The following TUSC3 variants were observed in gnomAD, a reference collection of about 807,000 sequenced individuals.
The protein encoded by TUSC3 is dolichyl-diphosphooligosaccharide--protein glycosyltransferase subunit TUSC3.
In TUSC3, 45 loss-of-function variants were observed where a neutral mutation model predicts 44.8. The ratio of observed to expected loss-of-function variants is 1.00; its 90% confidence interval spans 0.79 to 1.29. The LOEUF (loss-of-function observed/expected upper bound fraction) is 1.29, where lower values mean the gene tolerates loss of function less well. TUSC3 is among the 50% of genes most tolerant of loss of function. The pLI is 0.00. For missense variants in TUSC3, 519 were observed against 437.9 expected, an observed-to-expected ratio of 1.19 and a Z score of -1.65; for synonymous variants, 212 against 152.9, an observed-to-expected ratio of 1.39 and a Z score of -2.85.
Position 15,573,168 on chromosome 8 carries a change from T to TCTTTCTC in TUSC3, c.138+32600_138+32601insCTTTCTC, listed in dbSNP as rs1563296867. On this transcript the variant is annotated intron_variant, in intron 1 of 10. Coordinates refer to ENST00000503731, the MANE Select transcript of TUSC3 (RefSeq NM_006765.4). ...TGCTTCAGTATAGTGTTCTCTCTCTTTCTCTCTCTCTCTCTCTCTCTCTCT... is the reference window on the plus strand; with the variant it reads ...TGCTTCAGTATAGTGTTCTCTCTCTTCTTTCTCTCTCTCTCTCTCTCTCTCTCTCTCT... Among the ~76,000 whole-genome samples, 397 of 85,480 alleles carry TCTTTCTC rather than the reference T, an allele frequency of 4.6e-3. 1 individual carries two copies. The highest frequency in any genetic ancestry group is 9.9e-3 in the African/African-American group (198 of 19,980). 56.1% of individuals were successfully genotyped at this position (85,480 alleles called of 152,430 possible).
In TUSC3 at chr8:15,676,763, C is replaced by G. The variant is rs545725144; in HGVS notation, c.798+2927C>G. ...AAGAAAATCATCCAGCTCCAAATAT[C>G]AGAGTATTGAAAGTGAGAAGCCTAG... On this transcript the variant is annotated intron_variant, in intron 6 of 10. Coordinates refer to ENST00000503731, the MANE Select transcript of TUSC3 (RefSeq NM_006765.4). Among the ~76,000 whole-genome samples, 4 of 152,278 alleles carry G rather than the reference C, an allele frequency of 2.6e-5. No homozygotes were observed. The South Asian group carries it at 8.3e-4, about 32-fold the overall frequency.
Position 15,628,981 on chromosome 8 carries a change from C to G in TUSC3, c.308+5732C>G, listed in dbSNP as rs546829574. ...GAAAGTTGACAAACTGGTTGTGATA[C>G]AGTTAAGCTAGATTTCCACAAGGGT... On this transcript the variant is annotated intron_variant, in intron 2 of 10. Coordinates refer to ENST00000503731, the MANE Select transcript of TUSC3 (RefSeq NM_006765.4). Among the ~76,000 whole-genome samples, 3 of 152,286 alleles carry G rather than the reference C, an allele frequency of 2.0e-5. No individual in the cohort carries two copies. The South Asian group carries it at 6.2e-4, about 32-fold the overall frequency.
intron 1 of TUSC3, among the ~76,000 whole-genome samples, chr8:15,425,119 AG>A: frequency 6.6e-6 from 1 of 152,346 alleles, no homozygotes; most frequent in East Asian, 1.9e-4. Flanking sequence ...AGGTAGGCAA[AG>A]GAAAAGTGTG....
intron 2 of TUSC3, among the ~76,000 whole-genome samples, chr8:15,649,614 T>C (rs910913659): frequency 2.6e-5 from 4 of 151,996 alleles, no homozygotes; most frequent in Admixed American, 6.5e-5. Flanking sequence ...AGTTTAATTA[T>C]GACATCTGTT....
At chr8:15,439,173 G>C (rs765517788) in intron 1 of TUSC3, among the ~76,000 whole-genome samples, 1 of 152,184 alleles carries the variant, frequency 6.6e-6, no homozygotes, top group African/African-American at 2.4e-5. Context: ...TATCACAATT[G>C]CTTTCACAAA....
At chr8:15,507,772 AAGAG>A (rs142572306) in intron 2 of TUSC3, among the ~76,000 whole-genome samples, 3 of 151,736 alleles carry the variant, frequency 2.0e-5, no homozygotes, top group Non-Finnish European at 4.4e-5. Context: ...TACTTGGGAA[AAGAG>A]AGAGAGAGGA....
At chr8:15,547,030 A>G (rs1686864617) in intron 1 of TUSC3, among the ~76,000 whole-genome samples, 1 of 151,768 alleles carries the variant, frequency 6.6e-6, no homozygotes, top group African/African-American at 2.4e-5. Context: ...AACAGAAAAA[A>G]GTTAAAAATA....
Position 15,761,636 on chromosome 8 carries a change from C to T in TUSC3, c.*47-2567C>T, listed in dbSNP as rs550767127. ...ACTACTACTATGGATAACTACAGTGCGATTCGTTCATGACTGAGCGTGGAG... is the reference window on the plus strand; with the variant it reads ...ACTACTACTATGGATAACTACAGTGTGATTCGTTCATGACTGAGCGTGGAG... On this transcript the variant is annotated intron_variant, in intron 10 of 10. Coordinates refer to ENST00000503731, the MANE Select transcript of TUSC3 (RefSeq NM_006765.4). Among the ~76,000 whole-genome samples the T allele has an allele frequency of 2.4e-4, 37 of 152,260 alleles. No individual in the cohort carries two copies. In the South Asian group the frequency reaches 6.4e-3, roughly 26 times the overall value.
At chr8:15,573,168 TTCTCTCTCTCTCTC>T (rs1554516638) in intron 1 of TUSC3, among the ~76,000 whole-genome samples, 1 of 85,588 alleles carries the variant, frequency 1.2e-5, no homozygotes, top group Non-Finnish European at 2.1e-5. Context: ...TTCTCTCTCT[TTCTCTCTCTCTCTC>T]TCTCTCTCTC....
At chr8:15,440,314 A>G (rs543805118) in intron 1 of TUSC3, among the ~76,000 whole-genome samples, 1 of 152,242 alleles carries the variant, frequency 6.6e-6, no homozygotes, top group Non-Finnish European at 1.5e-5. Flanking sequence ...TAAAGCCAAT[A>G]TGGGATGGGC....
At chr8:15,745,213 A>T (rs1477160539) in intron 8 of TUSC3, among the ~76,000 whole-genome samples, 2 of 151,944 alleles carry the variant, frequency 1.3e-5, no homozygotes, top group African/African-American at 4.8e-5. Context: ...TGTACCATGG[A>T]ATCAACCTGG....
the TUSC3 span, among the ~76,000 whole-genome samples, chr8:15,830,595 T>C: frequency 6.6e-6 from 1 of 152,184 alleles, no homozygotes; most frequent in Non-Finnish European, 1.5e-5. Flanking sequence ...AGAATGAAAT[T>C]CTGTCTTATG....
intron 1 of TUSC3, among the ~76,000 whole-genome samples, chr8:15,563,852 A>G (rs1302521413): frequency 6.6e-6 from 1 of 152,106 alleles, no homozygotes; most frequent in Admixed American, 6.6e-5. Flanking sequence ...TAATTCACGT[A>G]TCTTGTAGTC....
intron 2 of TUSC3, among the ~76,000 whole-genome samples, chr8:15,523,639 C>CATATATATAT (rs151223991): frequency 0.016 from 1,035 of 63,072 alleles, 19 homozygotes; most frequent in South Asian, 0.033. Flanking sequence ...CCTTTAAAAA[C>CATATATATAT]ATATATATAT....
chr8:15,662,102 A>T, intron 4 of TUSC3, 54 bp from the exon 5 acceptor site: 2 of 1,592,024 alleles, frequency 1.3e-6, no homozygotes, highest in Non-Finnish European at 1.7e-6. Flanking sequence ...AATATGATCA[A>T]AAGAAAAATT....
chr8:15,648,901 T>TG (rs1327636143), intron 2 of TUSC3, among the ~76,000 whole-genome samples: 1 of 151,898 alleles, frequency 6.6e-6, no homozygotes, highest in Non-Finnish European at 1.5e-5. Context: ...GTGTGAGACT[T>TG]GGGGGATAGA....
intron 2 of TUSC3, among the ~76,000 whole-genome samples, chr8:15,491,850 C>T (rs1800813310): frequency 1.3e-5 from 2 of 152,190 alleles, no homozygotes; most frequent in African/African-American, 4.8e-5. Flanking sequence ...GACAACATTC[C>T]ATATGTTAGA....
At chr8:15,601,336 C>T (rs376546263) in intron 1 of TUSC3, among the ~76,000 whole-genome samples, 7 of 151,570 alleles carry the variant, frequency 4.6e-5, no homozygotes, top group African/African-American at 1.5e-4. Flanking sequence ...CCAGTATGCA[C>T]CTGTAGTAGA....
chr8:15,450,249 C>G (rs1800176322), intron 1 of TUSC3, among the ~76,000 whole-genome samples: 1 of 151,978 alleles, frequency 6.6e-6, no homozygotes, highest in Non-Finnish European at 1.5e-5. Flanking sequence ...TTAGAAGAAT[C>G]AGGTTTTACT....
Sources: gnomAD v4.1 joint callset for allele counts (sites outside exome capture counted in the v4.1 genomes callset) on GRCh38, gnomAD v4.1.1 for gene constraint, MANE v1.5 for transcripts, NCBI Gene and HGNC (gene_info 2026-07-23, HGNC 2026-07-21) for gene names.